The following SCAF8 variants were observed in gnomAD, a reference collection of about 807,000 sequenced individuals.
SCAF8 encodes SR-related and CTD-associated factor 8.
A neutral mutation model predicts 140.5 loss-of-function variants in SCAF8; 23 were observed. The observed-to-expected ratio is 0.16, with a 90% CI of 0.12 to 0.23. SCAF8 has a LOEUF of 0.23. Among genes scored for constraint, SCAF8 ranks in the 10% least tolerant of loss-of-function variants. The pLI is 1.00. For missense variants in SCAF8, 1,397 were observed against 1,555.7 expected (o/e 0.90, Z 1.72); for synonymous variants, 575 against 528.9 (o/e 1.09, Z -1.20).
intron 2 of SCAF8, among the ~76,000 whole-genome samples, chr6:154,776,422 T>C (rs1776920098): frequency 6.6e-6 from 1 of 152,096 alleles, no homozygotes; most frequent in African/African-American, 2.4e-5. Context: ...ATGGTTAACA[T>C]TGCATTGTCA....
At chr6:154,751,204 T>C (rs1778828426) in intron 1 of SCAF8, among the ~76,000 whole-genome samples, 1 of 152,132 alleles carries the variant, frequency 6.6e-6, no homozygotes, top group African/African-American at 2.4e-5. Context: ...TTAACTGTCT[T>C]GCTTAAACCT....
chr6:154,820,022 T>G (rs1391066181), intron 14 of SCAF8, among the ~76,000 whole-genome samples, 155 bp from the exon 15 acceptor site: 1 of 152,222 alleles, frequency 6.6e-6, no homozygotes, highest in Non-Finnish European at 1.5e-5. Flanking sequence ...AAAATTCTTT[T>G]GGCTACTGTT....
At chr6:154,755,277 A>T (rs922261971) in intron 1 of SCAF8, among the ~76,000 whole-genome samples, 6 of 152,078 alleles carry the variant, frequency 3.9e-5, no homozygotes, top group African/African-American at 1.4e-4. Context: ...TTTTTTAGAC[A>T]GAGTCTTGCT....
At position 154,770,582 on chromosome 6, in the gene SCAF8, G is replaced by GA. The variant is rs559849102; in HGVS notation, c.31-3396dup. 1.5e-3 allele frequency among the ~76,000 whole-genome samples: 225 copies of GA among 147,014 alleles called. 1 individual carries two copies. Among genetic ancestry groups the GA allele is most frequent in the Non-Finnish European group, 2.6e-3 (170 of 66,326 alleles). ...AAGCAAGACCCTGTCTGAAGAAGGA[G>GA]AAAAAAAAAAATTCTTAGAAAGTAT... On this transcript the variant is annotated intron_variant, in intron 1 of 19. Coordinates refer to ENST00000367178, the MANE Select transcript of SCAF8 (RefSeq NM_014892.5).
chr6:154,788,411 G>A lies in SCAF8; in HGVS notation c.321+389G>A, dbSNP rs575895965. ...CCATTTCTCAGAACATATCCTTGTC[G>A]TTAAGTGGCACAGGACTGTATATTC... is the stretch of plus-strand genomic sequence containing the variant. On this transcript the variant is annotated intron_variant, in intron 4 of 19. Coordinates refer to ENST00000367178, the MANE Select transcript of SCAF8 (RefSeq NM_014892.5). Among the ~76,000 whole-genome samples the A allele has an allele frequency of 3.2e-4, 49 of 152,238 alleles. No homozygotes were observed. In the South Asian group the frequency reaches 9.1e-3, roughly 28 times the overall value.
rs773837601 is a variant in SCAF8 at position 154,830,934 on chromosome 6, C to T, written c.2153C>T (p.Pro718Leu). The change falls in exon 19 of 20, where the codon CCG (proline) becomes CTG (leucine). Residue 718 changes from proline to leucine, a missense_variant. By Grantham distance (98) the Pro-to-Leu change is moderately conservative. Transcript: ENST00000367178. ...CCTCTTTAAACAGCTTTAGTGCAGC[C>T]GTCATTATCCATGACACCGGAAACT... ...PPVVPTSLVQ[P>L]SLSMTPETVK... 11 of 1,613,194 alleles carry T rather than the reference C, an allele frequency of 6.8e-6. No individual in the cohort carries two copies. Among genetic ancestry groups the T allele is most frequent in the Admixed American group, 3.3e-5 (2 of 60,016 alleles).
intron 1 of SCAF8, among the ~76,000 whole-genome samples, chr6:154,735,187 TATGAACTCTTA>T: frequency 6.6e-6 from 1 of 152,120 alleles, no homozygotes; most frequent in Non-Finnish European, 1.5e-5. Context: ...GCATAAATTT[TATGAACTCTTA>T]AAGTGCCAAT....
chr6:154,816,934 G>T lies in SCAF8; in HGVS notation c.1521+1118G>T, dbSNP rs534481516. On this transcript the variant is annotated intron_variant, in intron 13 of 19. Transcript: ENST00000367178. ...TAAGTGATTTGCTTGAGTTACACAG[G>T]TGATAAAAAGATGATTGGTTATGGA... is the stretch of plus-strand genomic sequence containing the variant. Among the ~76,000 whole-genome samples the T allele has an allele frequency of 3.3e-5, 5 of 152,240 alleles. No individual in the cohort carries two copies. In the South Asian group the frequency reaches 1.0e-3, roughly 32 times the overall value.
chr6:154,805,295 C>A lies in SCAF8; in HGVS notation c.864-74C>A. ...TTTATTGAATTGACTTTTTTGTTTT[C>A]TTTGAATACTCAGTTATTTTCATAG... On this transcript the variant is annotated intron_variant, in intron 8 of 19. Transcript: ENST00000367178. The A allele has an allele frequency of 3.0e-5, 25 of 839,222 alleles. No homozygotes were observed. In the South Asian group the frequency reaches 4.4e-4, roughly 15 times the overall value. 52.0% of individuals were successfully genotyped at this position (839,222 alleles called of 1,614,324 possible).
intron 12 of SCAF8, 65 bp downstream of exon 12, chr6:154,810,273 A>C: frequency 8.2e-7 from 1 of 1,214,480 alleles, no homozygotes; most frequent in Non-Finnish European, 1.1e-6. Context: ...TATCTGCTAC[A>C]AAGTCTCTCA....
chr6:154,785,224 G>A (rs561150505), intron 3 of SCAF8, among the ~76,000 whole-genome samples: 28 of 152,176 alleles, frequency 1.8e-4, no homozygotes, highest in Middle Eastern at 3.4e-3. Context: ...GTGAATAGAC[G>A]GCAGCTTGCC....
intron 1 of SCAF8, among the ~76,000 whole-genome samples, chr6:154,752,161 C>T (rs567227183): frequency 6.6e-6 from 1 of 152,216 alleles, no homozygotes; most frequent in East Asian, 1.9e-4. Flanking sequence ...TCTCTAGAGG[C>T]CTTTTAAAGC....
intron 1 of SCAF8, among the ~76,000 whole-genome samples, chr6:154,756,651 A>C (rs1372576638): frequency 6.6e-6 from 1 of 152,228 alleles, no homozygotes; most frequent in Admixed American, 6.5e-5. Context: ...AAATTTATAC[A>C]TTGTATACAA....
At chr6:154,733,973 C>T in intron 1 of SCAF8, 43 bp downstream of exon 1, 3 of 1,495,960 alleles carry the variant, frequency 2.0e-6, no homozygotes, top group Non-Finnish European at 2.7e-6. Context: ...CCCGCACCGC[C>T]CCCACCCCTG....
At chr6:154,806,299 T>A (rs1354800889) in intron 9 of SCAF8, among the ~76,000 whole-genome samples, 1 of 152,220 alleles carries the variant, frequency 6.6e-6, no homozygotes, top group Admixed American at 6.5e-5. Context: ...CTTTTTCTGC[T>A]GTATGTGAGA....
At chr6:154,773,652 C>G (rs566282986) in intron 1 of SCAF8, among the ~76,000 whole-genome samples, 1 of 152,132 alleles carries the variant, frequency 6.6e-6, no homozygotes, top group Non-Finnish European at 1.5e-5. Context: ...CTGGGTCTTA[C>G]GTTAACTGTG....
intron 3 of SCAF8, among the ~76,000 whole-genome samples, chr6:154,779,072 G>A (rs894666585): frequency 5.3e-5 from 8 of 151,870 alleles, no homozygotes; most frequent in African/African-American, 1.2e-4. Context: ...TCACTCTGTC[G>A]CCCAAGCTGG....
chr6:154,753,660 C>T (rs573148042), intron 1 of SCAF8, among the ~76,000 whole-genome samples: 1 of 151,852 alleles, frequency 6.6e-6, no homozygotes, highest in East Asian at 1.9e-4. Context: ...TACATGTATA[C>T]AATGTACATA....
chr6:154,815,851 A>G (rs1183632043), intron 13 of SCAF8, 35 bp downstream of exon 13: 2 of 1,378,202 alleles, frequency 1.5e-6, no homozygotes, highest in Non-Finnish European at 2.1e-6. Context: ...AAGGTTTTAA[A>G]AAAGGAGGTT....
Sources: gnomAD v4.1 joint callset for allele counts (sites outside exome capture counted in the v4.1 genomes callset) on GRCh38, gnomAD v4.1.1 for gene constraint, MANE v1.5 for transcripts, NCBI Gene and HGNC (gene_info 2026-07-23, HGNC 2026-07-21) for gene names.